Variants in RNGTT observed in about 807,000 individuals in gnomAD.
The protein encoded by RNGTT is RNA guanylyltransferase and 5'-phosphatase.
Under a neutral mutation model 79.3 loss-of-function variants are expected in RNGTT, and 33 were observed. The observed-to-expected ratio is 0.42, with a 90% CI of 0.32 to 0.56. The LOEUF (loss-of-function observed/expected upper bound fraction) is 0.56, where lower values mean the gene tolerates loss of function less well. Ranked by LOEUF, RNGTT falls within the 20% of genes least tolerant of loss-of-function variation. The probability of loss-of-function intolerance (pLI) is 0.17; values close to 1 mark genes in which losing one functional copy is unlikely to be tolerated. For synonymous variants in RNGTT, 222 were observed against 235.9 expected (o/e 0.94, Z 0.54); for missense variants, 497 against 739.1 (o/e 0.67, Z 3.80).
chr6:88,840,044 T>C (rs1781215553), intron 11 of RNGTT, among the ~76,000 whole-genome samples: 1 of 152,246 alleles, frequency 6.6e-6, no homozygotes, highest in Non-Finnish European at 1.5e-5. Context: ...AAAATTAGTA[T>C]GCATGTTTTA....
rs1469479598 is a variant in RNGTT at position 88,714,620 on chromosome 6, T to C, written c.1440-36201A>G. On this transcript the variant is annotated intron_variant, in intron 13 of 15. Transcript: ENST00000369485. ...ACTACGCCCGGCTAATTTTTTGTAT[T>C]TTTAGTAGAGACGGGGTTTCACCGT... is the stretch of plus-strand genomic sequence containing the variant. Among the ~76,000 whole-genome samples, 6 of 121,994 alleles carry C rather than the reference T, an allele frequency of 4.9e-5. 1 individual carries two copies. The highest frequency in any genetic ancestry group is 1.0e-4 in the African/African-American group (2 of 19,146). 80.0% of individuals were successfully genotyped at this position (121,994 alleles called of 152,430 possible).
At chr6:88,783,740 T>A (rs1053346598) in intron 12 of RNGTT, among the ~76,000 whole-genome samples, 1 of 150,090 alleles carries the variant, frequency 6.7e-6, no homozygotes, top group East Asian at 1.9e-4. Context: ...CAGTTGACTC[T>A]TTGTTGTGGG....
intron 13 of RNGTT, among the ~76,000 whole-genome samples, chr6:88,749,104 T>C (rs1777760219): frequency 6.6e-6 from 1 of 152,140 alleles, no homozygotes; most frequent in Non-Finnish European, 1.5e-5. Context: ...TAGAATTCAA[T>C]ATCCAATAAA....
At chr6:88,642,660 A>G (rs1011213720) in intron 14 of RNGTT, among the ~76,000 whole-genome samples, 2 of 152,196 alleles carry the variant, frequency 1.3e-5, no homozygotes, top group South Asian at 2.1e-4. Flanking sequence ...TCTAATCTCA[A>G]TTCCATCATT....
chr6:88,919,124 T>C (rs1784085069), intron 4 of RNGTT, among the ~76,000 whole-genome samples: 1 of 152,208 alleles, frequency 6.6e-6, no homozygotes, highest in Non-Finnish European at 1.5e-5. Context: ...TGGGAGATTA[T>C]GTATTTGATA....
At chr6:88,658,149 C>A (rs1254491217) in intron 14 of RNGTT, among the ~76,000 whole-genome samples, 1 of 152,202 alleles carries the variant, frequency 6.6e-6, no homozygotes, top group African/African-American at 2.4e-5. Flanking sequence ...CAACTCAAGC[C>A]ATTACAGCAG....
At position 88,724,567 on chromosome 6, in the gene RNGTT, G is replaced by A. The variant is rs77343836; in HGVS notation, c.1439+45207C>T. Among the ~76,000 whole-genome samples the A allele has an allele frequency of 4.3e-3, 656 of 152,220 alleles. 5 individuals carry two copies. The highest frequency in any genetic ancestry group is 0.015 in the African/African-American group (635 of 41,516). On this transcript the variant is annotated intron_variant, in intron 13 of 15. Coordinates refer to ENST00000369485, the MANE Select transcript of RNGTT (RefSeq NM_003800.5). ...GAAAATTTTTCCACAGACAGGGGAA[G>A]GGGGAGATGGTTTCTGGATGAAACT... is the stretch of plus-strand genomic sequence containing the variant.
chr6:88,761,941 C>G (rs1778274204), intron 13 of RNGTT, among the ~76,000 whole-genome samples: 1 of 151,692 alleles, frequency 6.6e-6, no homozygotes, highest in Non-Finnish European at 1.5e-5. Context: ...TCTGGTAACC[C>G]CCTAGTGGTA....
intron 4 of RNGTT, among the ~76,000 whole-genome samples, chr6:88,908,340 A>C (rs977349708): frequency 6.6e-6 from 1 of 152,230 alleles, no homozygotes; most frequent in Non-Finnish European, 1.5e-5. Flanking sequence ...AACTACCTAC[A>C]GCTGAAAAAC....
chr6:88,930,998 T>G (rs527758102), intron 2 of RNGTT, among the ~76,000 whole-genome samples: 1 of 152,184 alleles, frequency 6.6e-6, no homozygotes, highest in South Asian at 2.1e-4. Flanking sequence ...GTGTTCAAGA[T>G]TTCAGATTTT....
rs1781748000 is a variant in RNGTT, at chr6:88,853,668, T to C, written c.993A>G (p.Lys331=). ...HVSNLEFPFR[K]DLRMHLSNTL... is the part of the protein sequence containing the mutation. Reference sequence around the variant, plus strand: ...TATTTGATAAATGCATACGAAGATCTTTACGAAATGGAAATTCCAGATTTG... The same window carrying C: ...TATTTGATAAATGCATACGAAGATCCTTACGAAATGGAAATTCCAGATTTG... Residue 331 remains lysine, a synonymous_variant, in exon 9 of 16, where the codon AAA becomes AAG. Transcript: ENST00000369485. 6.3e-7 allele frequency: 1 copy of C among 1,599,948 alleles called. No homozygotes were observed. Among genetic ancestry groups the C allele is most frequent in the African/African-American group, 1.3e-5 (1 of 74,246 alleles).
chr6:88,910,884 T>C (rs367900526), intron 4 of RNGTT, among the ~76,000 whole-genome samples: 11 of 152,176 alleles, frequency 7.2e-5, no homozygotes, highest in African/African-American at 2.4e-4. Flanking sequence ...TCCCACCAAA[T>C]TAAGCTTCAT....
At chr6:88,856,732 A>T (rs1384910317) in intron 8 of RNGTT, among the ~76,000 whole-genome samples, 1 of 152,132 alleles carries the variant, frequency 6.6e-6, no homozygotes, top group East Asian at 1.9e-4. Context: ...TTCTTTTGTT[A>T]TGCGATACTA....
intron 8 of RNGTT, among the ~76,000 whole-genome samples, chr6:88,867,461 C>T (rs1782211317): frequency 6.6e-6 from 1 of 151,418 alleles, no homozygotes; most frequent in Admixed American, 6.6e-5. Context: ...CTAACCTGGG[C>T]AACAGAGAAA....
Position 88,882,165 on chromosome 6 carries a change from T to C in RNGTT, c.896+8330A>G, listed in dbSNP as rs934674335. On this transcript the variant is annotated intron_variant, in intron 8 of 15. Transcript: ENST00000369485. ...TCCAACTACCTAAATATCCAAAGAATGCTGAGGAAACATGTGCCAGAGGTA... is the reference window on the plus strand; with the variant it reads ...TCCAACTACCTAAATATCCAAAGAACGCTGAGGAAACATGTGCCAGAGGTA... Among the ~76,000 whole-genome samples, 12 of 152,302 alleles carry C rather than the reference T, an allele frequency of 7.9e-5. No homozygotes were observed. The East Asian group carries it at 2.3e-3, about 29-fold the overall frequency.
chr6:88,959,556 C>T (rs1421696328), intron 1 of RNGTT, among the ~76,000 whole-genome samples: 1 of 152,024 alleles, frequency 6.6e-6, no homozygotes, highest in Non-Finnish European at 1.5e-5. Context: ...GTCCATTTTC[C>T]CTTCTTAATA....
rs112787442 is a variant in RNGTT, at chr6:88,614,459, G to A, written c.1507-64C>T. The A allele has an allele frequency of 1.0e-4, 149 of 1,481,632 alleles. No individual in the cohort carries two copies. The African/African-American group carries it at 1.8e-3, about 18-fold the overall frequency. 91.8% of individuals were successfully genotyped at this position (1,481,632 alleles called of 1,614,324 possible). On this transcript the variant is annotated intron_variant, in intron 14 of 15. Transcript: ENST00000369485. Reference sequence around the variant, plus strand: ...TTGAAAGGCTTTTTGCTTCTACTATGTGACAGGCACATTAGGAAATGATAA... The same window carrying A: ...TTGAAAGGCTTTTTGCTTCTACTATATGACAGGCACATTAGGAAATGATAA...
chr6:88,805,601 A>G (rs946660481), intron 11 of RNGTT, among the ~76,000 whole-genome samples: 3 of 152,186 alleles, frequency 2.0e-5, no homozygotes, highest in Non-Finnish European at 2.9e-5. Flanking sequence ...AAATATCCCT[A>G]TGCAAGGCAA....
At chr6:88,739,594 A>C (rs1777398659) in intron 13 of RNGTT, among the ~76,000 whole-genome samples, 1 of 151,726 alleles carries the variant, frequency 6.6e-6, no homozygotes, top group Non-Finnish European at 1.5e-5. Context: ...ACAGGCTCAA[A>C]AAATATCTCA....
Sources: allele counts gnomAD v4.1 joint callset (sites outside exome capture counted in the v4.1 genomes callset), GRCh38; gene constraint gnomAD v4.1.1; transcripts MANE v1.5; gene names NCBI Gene and HGNC (gene_info 2026-07-23, HGNC 2026-07-21).